Variants in MYO9A observed in about 807,000 individuals in gnomAD.
MYO9A encodes unconventional myosin-IXa.
A neutral mutation model predicts 293.3 loss-of-function variants in MYO9A; 103 were observed. The ratio of observed to expected loss-of-function variants is 0.35; its 90% CI spans 0.30 to 0.41. The LOEUF (loss-of-function observed/expected upper bound fraction) is 0.41, where lower values mean the gene tolerates loss of function less well. Among genes scored for constraint, MYO9A ranks in the 10% least tolerant of loss-of-function variants. MYO9A has a pLI of 1.00. For missense variants in MYO9A, 2,685 were observed against 3,033.0 expected (o/e 0.89, Z 2.69); for synonymous variants, 1,001 against 1,035.7 (o/e 0.97, Z 0.64).
intron 1 of MYO9A, among the ~76,000 whole-genome samples, chr15:72,058,702 T>C (rs570942135): frequency 6.6e-6 from 1 of 152,318 alleles, no homozygotes; most frequent in South Asian, 2.1e-4. Context: ...TAACAGTATA[T>C]GCTAACGAGG....
intron 1 of MYO9A, among the ~76,000 whole-genome samples, chr15:72,097,850 C>T (rs1036259545): frequency 4.6e-5 from 7 of 151,694 alleles, no homozygotes; most frequent in Admixed American, 2.6e-4. Context: ...ACAGAGGTTG[C>T]GGTGAGCCGA....
At chr15:71,990,612 C>G (rs572010585) in intron 11 of MYO9A, among the ~76,000 whole-genome samples, 1 of 151,998 alleles carries the variant, frequency 6.6e-6, no homozygotes, top group Non-Finnish European at 1.5e-5. Context: ...AAAAATTAGC[C>G]GGGCATGGTG....
In MYO9A at chr15:71,956,330, A is replaced by AATATATAT. The variant is rs1555490832; in HGVS notation, c.2182+3563_2182+3570dup. 4.1e-3 allele frequency among the ~76,000 whole-genome samples: 308 copies of AATATATAT among 75,528 alleles called. 3 individuals are homozygous for AATATATAT. Among genetic ancestry groups the AATATATAT allele is most frequent in the South Asian group, 5.9e-3 (12 of 2,046 alleles). 49.5% of individuals were successfully genotyped at this position (75,528 alleles called of 152,430 possible). A position where few individuals can be genotyped will look rare whatever the true frequency, so the allele number is the denominator to read the frequency against. Reference sequence around the variant, plus strand: ...GCTCTTAAAAAAAAAAAAAAAAAAAAATATATATATATATATATATAAAAT... The same window carrying AATATATAT: ...GCTCTTAAAAAAAAAAAAAAAAAAAAATATATATATATATATATATATATATATAAAAT... On this transcript the variant is annotated intron_variant, in intron 14 of 41. Coordinates refer to ENST00000356056, the MANE Select transcript of MYO9A (RefSeq NM_006901.4).
At position 71,901,352 on chromosome 15, in the gene MYO9A, A is replaced by C. The variant is rs897805945; in HGVS notation, c.3001-12T>G. On this transcript the variant is annotated splice_polypyrimidine_tract_variant and intron_variant, in intron 22 of 41. Transcript: ENST00000356056. ...TCCTTTAGAAAGACCTACCAAAAGG[A>C]AGAAAGATGAGGAATGCAGCTTAAG... is the stretch of plus-strand genomic sequence containing the variant. The C allele has an allele frequency of 1.9e-6, 3 of 1,604,560 alleles. No homozygotes were observed. The highest frequency in any genetic ancestry group is 2.5e-6 in the Non-Finnish European group (3 of 1,177,006).
intron 9 of MYO9A, 23 bp from the exon 10 acceptor site, chr15:71,994,608 G>A: frequency 1.4e-6 from 2 of 1,422,964 alleles, no homozygotes; most frequent in Non-Finnish European, 1.9e-6. Context: ...AGCATTACAA[G>A]TGCATGTAGA....
intron 37 of MYO9A, among the ~76,000 whole-genome samples, chr15:71,850,909 A>T (rs1348084335): frequency 6.6e-6 from 1 of 151,764 alleles, no homozygotes; most frequent in Non-Finnish European, 1.5e-5. Context: ...CTCTTTGGTC[A>T]ATTCCTGAGA....
At chr15:72,102,909 T>C (rs1408157266) in intron 1 of MYO9A, among the ~76,000 whole-genome samples, 2 of 151,882 alleles carry the variant, frequency 1.3e-5, no homozygotes, top group Non-Finnish European at 2.9e-5. Flanking sequence ...TATTTGCATA[T>C]GACATAATTA....
chr15:71,851,572 C>T (rs1328455067), intron 36 of MYO9A, among the ~76,000 whole-genome samples: 3 of 152,152 alleles, frequency 2.0e-5, no homozygotes, highest in African/African-American at 7.2e-5. Flanking sequence ...ACCTATATCA[C>T]AGTAATCCTT....
chr15:71,957,662 T>C (rs2059235481), intron 14 of MYO9A, among the ~76,000 whole-genome samples: 1 of 152,082 alleles, frequency 6.6e-6, no homozygotes. Context: ...CAAACAGAAG[T>C]ACATCAGAGT....
At chr15:71,838,435 G>T (rs2055023983) in intron 39 of MYO9A, among the ~76,000 whole-genome samples, 1 of 152,056 alleles carries the variant, frequency 6.6e-6, no homozygotes, top group African/African-American at 2.4e-5. Context: ...GGTTTTGACT[G>T]ATCACAGACT....
In MYO9A at chr15:72,000,088, T is replaced by C. The variant is rs564647603; in HGVS notation, c.1381-148A>G. The C allele has an allele frequency of 9.5e-5, 52 of 549,190 alleles. No individual in the cohort carries two copies. In the African/African-American group the frequency reaches 9.7e-4, roughly 10 times the overall value. The allele number at this position is 549,190 out of a possible 1,614,324, so 34.0% of individuals were successfully genotyped here. A position where few individuals can be genotyped will look rare whatever the true frequency, so the allele number is the denominator to read the frequency against. ...AAGGCAATACACTGGGCAATTTTAATACTGGCCAAATGGAATTTAAGTGTC... is the reference window on the plus strand; with the variant it reads ...AAGGCAATACACTGGGCAATTTTAACACTGGCCAAATGGAATTTAAGTGTC... On this transcript the variant is annotated intron_variant, in intron 8 of 41. Transcript: ENST00000356056.
At chr15:71,919,083 C>T (rs1420453646) in intron 18 of MYO9A, among the ~76,000 whole-genome samples, 2 of 152,176 alleles carry the variant, frequency 1.3e-5, no homozygotes, top group African/African-American at 4.8e-5. Flanking sequence ...CAACACTGCA[C>T]ATAATATCAT....
intron 23 of MYO9A, among the ~76,000 whole-genome samples, chr15:71,900,560 C>G (rs2057455590): frequency 6.6e-6 from 1 of 152,058 alleles, no homozygotes; most frequent in Non-Finnish European, 1.5e-5. Flanking sequence ...AATAATATAA[C>G]CTTGAAGAAG....
intron 1 of MYO9A, among the ~76,000 whole-genome samples, chr15:72,092,655 C>A (rs933566865): frequency 6.6e-6 from 1 of 152,122 alleles, no homozygotes; most frequent in Non-Finnish European, 1.5e-5. Flanking sequence ...AACCAATCAG[C>A]TCTGCTGTTG....
At chr15:71,870,032 CT>C (rs2056458728) in intron 32 of MYO9A, among the ~76,000 whole-genome samples, 1 of 152,136 alleles carries the variant, frequency 6.6e-6, no homozygotes, top group African/African-American at 2.4e-5. Context: ...CTATAAATGG[CT>C]GCATAAGTAG....
intron 26 of MYO9A, chr15:71,892,608 T>A (rs2057210542): frequency 6.1e-6 from 1 of 162,774 alleles, no homozygotes; most frequent in Non-Finnish European, 1.3e-5. Flanking sequence ...AGTTAAGTAG[T>A]TAAGTTAGGT....
At chr15:71,827,741 G>A (rs2054565995) in intron 41 of MYO9A, 143 bp downstream of exon 41, 1 of 930,358 alleles carries the variant, frequency 1.1e-6, no homozygotes, top group Admixed American at 2.6e-5. Context: ...AAATTATATG[G>A]ATAAAAGGAC....
intron 1 of MYO9A, among the ~76,000 whole-genome samples, chr15:72,108,761 C>CT (rs2080664761): frequency 3.1e-4 from 18 of 57,640 alleles, no homozygotes; most frequent in Non-Finnish European, 4.6e-4. Context: ...ATGACACATA[C>CT]ATTTTTTTTT....
intron 14 of MYO9A, 32 bp from the exon 15 acceptor site, chr15:71,951,928 AAAG>A: frequency 6.4e-7 from 1 of 1,559,830 alleles, no homozygotes; most frequent in Non-Finnish European, 8.6e-7. Flanking sequence ...AACAAAAAAA[AAAG>A]GAGAAAAGAA....
Sources: gnomAD v4.1 joint callset for allele counts (sites outside exome capture counted in the v4.1 genomes callset) on GRCh38, gnomAD v4.1.1 for gene constraint, MANE v1.5 for transcripts, NCBI Gene and HGNC (gene_info 2026-07-23, HGNC 2026-07-21) for gene names.